Variants in DPYD observed in about 807,000 individuals in gnomAD.
DPYD encodes the protein dihydropyrimidine dehydrogenase, also known as dihydropyrimidine dehydrogenase [NADP(+)].
DPYD carries 109 observed loss-of-function variants against 116.2 expected under a neutral mutation model. The observed-to-expected ratio is 0.94, with a 90% CI of 0.80 to 1.10. DPYD has a LOEUF of 1.10. DPYD is among the 50% of genes least tolerant of loss of function. DPYD has a pLI of 0.00. For missense variants in DPYD, 1,302 were observed against 1,254.5 expected (o/e 1.04, Z -0.57); for synonymous variants, 440 against 432.0 (o/e 1.02, Z -0.23).
intron 20 of DPYD, among the ~76,000 whole-genome samples, chr1:97,181,493 G>T (rs2101799666): frequency 6.6e-6 from 1 of 152,140 alleles, no homozygotes; most frequent in South Asian, 2.1e-4. Context: ...CATTTTACCT[G>T]GAAAGTGAAC....
intron 8 of DPYD, among the ~76,000 whole-genome samples, chr1:97,662,343 C>T (rs1416184582): frequency 6.6e-6 from 1 of 151,814 alleles, no homozygotes; most frequent in Non-Finnish European, 1.5e-5. Flanking sequence ...TTCATGAATA[C>T]CAGCTGTGTA....
chr1:97,525,978 AGTGTGTGTGTGTGT>A (rs71071658), intron 12 of DPYD, among the ~76,000 whole-genome samples: 3 of 138,118 alleles, frequency 2.2e-5, no homozygotes, highest in Non-Finnish European at 4.6e-5. Flanking sequence ...GGTAATTAAG[AGTGTGTGTGTGTGT>A]GTGTGTGTGT....
chr1:97,541,103 C>T (rs1171398228), intron 12 of DPYD, among the ~76,000 whole-genome samples: 2 of 152,126 alleles, frequency 1.3e-5, no homozygotes, highest in Non-Finnish European at 2.9e-5. Flanking sequence ...CTAAGAGACA[C>T]AAAAGATGGC....
chr1:97,568,804 T>C (rs963852349), intron 11 of DPYD, among the ~76,000 whole-genome samples: 1 of 152,072 alleles, frequency 6.6e-6, no homozygotes, highest in African/African-American at 2.4e-5. Flanking sequence ...AATGCACAAA[T>C]ATTTTTGTGG....
At chr1:97,242,122 G>C (rs1299458950) in intron 18 of DPYD, among the ~76,000 whole-genome samples, 2 of 71,590 alleles carry the variant, frequency 2.8e-5, no homozygotes, top group African/African-American at 1.0e-4. Context: ...GTGTGTGCGT[G>C]TGTATATATA....
chr1:97,398,661 C>G (rs1490983948), intron 14 of DPYD, among the ~76,000 whole-genome samples: 3 of 152,130 alleles, frequency 2.0e-5, no homozygotes, highest in Non-Finnish European at 4.4e-5. Flanking sequence ...GATGGTATCT[C>G]ATTGTGGTTT....
intron 3 of DPYD, among the ~76,000 whole-genome samples, chr1:97,746,989 T>C (rs1664595885): frequency 6.6e-6 from 1 of 151,672 alleles, no homozygotes; most frequent in Non-Finnish European, 1.5e-5. Flanking sequence ...ATGCTGAAAA[T>C]TATGGGATTG....
At chr1:97,471,150 A>G (rs1352470075) in intron 13 of DPYD, among the ~76,000 whole-genome samples, 1 of 152,226 alleles carries the variant, frequency 6.6e-6, no homozygotes, top group Non-Finnish European at 1.5e-5. Flanking sequence ...ACAGAGCCTT[A>G]TATGCCTACT....
At chr1:97,730,431 C>T (rs6674116) in intron 4 of DPYD, among the ~76,000 whole-genome samples, 2,797 of 152,082 alleles carry the variant, frequency 0.018, 93 homozygotes, top group African/African-American at 0.064. Context: ...TCCATGTTGG[C>T]CAGGCTGGTC....
intron 5 of DPYD, 95 bp downstream of exon 5, chr1:97,721,415 T>C (rs1019723581): frequency 1.4e-5 from 20 of 1,449,412 alleles, no homozygotes; most frequent in African/African-American, 5.6e-5. Context: ...ACTAAAAATG[T>C]TGGGTATCAA....
At chr1:97,482,172 AT>A (rs1678357885) in intron 13 of DPYD, among the ~76,000 whole-genome samples, 1 of 152,202 alleles carries the variant, frequency 6.6e-6, no homozygotes, top group Admixed American at 6.5e-5. Flanking sequence ...AATCCTAGAT[AT>A]AAAGACTTAC....
At chr1:97,704,540 A>G (rs1661794615) in intron 5 of DPYD, among the ~76,000 whole-genome samples, 1 of 152,032 alleles carries the variant, frequency 6.6e-6, no homozygotes, top group Non-Finnish European at 1.5e-5. Flanking sequence ...TTCAAAAATA[A>G]TATTTTTCAT....
chr1:97,190,877 C>G (rs1362386280), intron 20 of DPYD, among the ~76,000 whole-genome samples: 1 of 152,110 alleles, frequency 6.6e-6, no homozygotes, highest in Non-Finnish European at 1.5e-5. Flanking sequence ...ATCAGAGTAG[C>G]CATTGTACTT....
intron 14 of DPYD, among the ~76,000 whole-genome samples, chr1:97,389,150 C>A (rs551491405): frequency 4.6e-5 from 7 of 151,656 alleles, no homozygotes; most frequent in African/African-American, 1.7e-4. Flanking sequence ...GAAATAGTCT[C>A]TAAAAATGGG....
chr1:97,625,706 G>A (rs181829048), intron 8 of DPYD, among the ~76,000 whole-genome samples: 1 of 152,034 alleles, frequency 6.6e-6, no homozygotes. Flanking sequence ...ACAATGCCAA[G>A]GAGAGACACC....
At chr1:97,608,171 A>G (rs1655721321) in intron 8 of DPYD, among the ~76,000 whole-genome samples, 1 of 151,914 alleles carries the variant, frequency 6.6e-6, no homozygotes, top group African/African-American at 2.4e-5. Flanking sequence ...ACAATGGAGA[A>G]TATATTCGCA....
intron 18 of DPYD, among the ~76,000 whole-genome samples, chr1:97,289,210 A>G (rs1665955340): frequency 6.6e-6 from 1 of 152,010 alleles, no homozygotes; most frequent in Admixed American, 6.6e-5. Flanking sequence ...TTACCAACCA[A>G]AAAGAGTCCA....
intron 3 of DPYD, among the ~76,000 whole-genome samples, chr1:97,802,842 A>G (rs1239672130): frequency 6.6e-6 from 1 of 151,844 alleles, no homozygotes; most frequent in Admixed American, 6.6e-5. Flanking sequence ...CAAAAGTTCT[A>G]TTGGATCCTA....
intron 10 of DPYD, among the ~76,000 whole-genome samples, chr1:97,579,803 A>T (rs1476758066): frequency 6.6e-6 from 1 of 152,224 alleles, no homozygotes; most frequent in Admixed American, 6.5e-5. Flanking sequence ...TAAAGTAGTA[A>T]GCAGCTATAA....
Sources: gnomAD v4.1 joint callset for allele counts (sites outside exome capture counted in the v4.1 genomes callset) on GRCh38, gnomAD v4.1.1 for gene constraint, MANE v1.5 for transcripts, NCBI Gene and HGNC (gene_info 2026-07-23, HGNC 2026-07-21) for gene names.